The following L3MBTL3 variants were observed in gnomAD, a reference collection of about 807,000 sequenced individuals.
The protein encoded by L3MBTL3 is lethal(3)malignant brain tumor-like protein 3.
In L3MBTL3, 27 loss-of-function variants were observed where a neutral mutation model predicts 102.3. That is an observed-to-expected ratio of 0.26 (90% CI 0.19 to 0.36). The LOEUF (loss-of-function observed/expected upper bound fraction) is 0.36. Among genes scored for constraint, L3MBTL3 ranks in the 10% least tolerant of loss-of-function variants. The probability of loss-of-function intolerance (pLI) is 1.00; values close to 1 mark genes in which losing one functional copy is unlikely to be tolerated. For synonymous variants in L3MBTL3, 340 were observed against 320.9 expected (o/e 1.06, Z -0.64); for missense variants, 798 against 955.3 (o/e 0.84, Z 2.17).
At position 130,066,388 on chromosome 6, in the gene L3MBTL3, G is replaced by A. The variant is rs1287618171; in HGVS notation, c.900G>A (p.Gly300=). The change falls in exon 11 of 23, where the codon GGG becomes GGA. Residue 300 remains glycine (G), a synonymous_variant. Coordinates refer to ENST00000361794, the MANE Select transcript of L3MBTL3 (RefSeq NM_032438.4). ...CGYRIKLHFD[G]YSDCYDFWVN... is the part of the protein sequence containing the mutation. ...ACCGGATAAAGCTTCACTTTGATGGGTATTCTGATTGCTATGACTTCTGGG... is the reference window on the plus strand; with the variant it reads ...ACCGGATAAAGCTTCACTTTGATGGATATTCTGATTGCTATGACTTCTGGG... 6 of 1,609,896 alleles carry A rather than the reference G, an allele frequency of 3.7e-6. No homozygotes were observed. Among genetic ancestry groups the A allele is most frequent in the East Asian group, 2.2e-5 (1 of 44,552 alleles).
chr6:130,031,050 T>C (rs1003683422), intron 2 of L3MBTL3, among the ~76,000 whole-genome samples: 1 of 152,198 alleles, frequency 6.6e-6, no homozygotes, highest in Non-Finnish European at 1.5e-5. Context: ...CTTCCATTAG[T>C]GGCTGCGTAT....
intron 19 of L3MBTL3, among the ~76,000 whole-genome samples, chr6:130,107,034 T>C (rs72991294): frequency 0.18 from 27,975 of 152,180 alleles, 3,190 homozygotes; most frequent in South Asian, 0.27. Flanking sequence ...GAGAAGATAC[T>C]GGCAGAGTAG....
intron 9 of L3MBTL3, 119 bp from the exon 10 acceptor site, chr6:130,059,917 G>T: frequency 5.2e-6 from 3 of 572,938 alleles, no homozygotes; most frequent in Non-Finnish European, 9.2e-6. Context: ...CTTTTTCTTT[G>T]GATTTTTAGA....
At chr6:130,090,628 C>T (rs1438227335) in intron 16 of L3MBTL3, among the ~76,000 whole-genome samples, 2 of 152,168 alleles carry the variant, frequency 1.3e-5, no homozygotes, top group African/African-American at 4.8e-5. Flanking sequence ...CAAGGTCTCA[C>T]TCTGTCGCCT....
intron 4 of L3MBTL3, 40 bp from the exon 5 acceptor site, chr6:130,049,716 A>G: frequency 1.2e-6 from 2 of 1,613,084 alleles, no homozygotes; most frequent in Non-Finnish European, 8.5e-7. Flanking sequence ...GGTTGTAACT[A>G]ACACCTATAT....
chr6:130,042,767 A>T lies in L3MBTL3; in HGVS notation c.68A>T (p.Asp23Val). ...FDVFSVMDWK[D>V]GVGTLPGSDL... ...GTGTTCAGTGTTATGGACTGGAAAG[A>T]TGGAGTGGGCACGTTACCAGGAAGT... The change falls in exon 3 of 23, where the codon GAT becomes GTT. Residue 23 changes from aspartate (D) to valine (V), a missense_variant. Asp to Val is a radical substitution (Grantham distance 152). Around this residue, in one of 4 missense-constraint regions of L3MBTL3, gnomAD observed 434 missense variants for 506.6 expected, o/e 0.86. Coordinates refer to ENST00000361794, the MANE Select transcript of L3MBTL3 (RefSeq NM_032438.4). 6.2e-7 allele frequency: 1 copy of T among 1,613,548 alleles called. No individual in the cohort carries two copies. Among genetic ancestry groups the T allele is most frequent in the Non-Finnish European group, 8.5e-7 (1 of 1,179,546 alleles).
chr6:130,105,325 C>A (rs1784920338), intron 19 of L3MBTL3, among the ~76,000 whole-genome samples: 1 of 152,082 alleles, frequency 6.6e-6, no homozygotes, highest in African/African-American at 2.4e-5. Context: ...AATGCATTGT[C>A]ATAGGAGTAA....
chr6:130,042,907 T>C (rs779788796), intron 3 of L3MBTL3, 106 bp downstream of exon 3: 113 of 733,052 alleles, frequency 1.5e-4, no homozygotes, highest in Non-Finnish European at 2.4e-4. Flanking sequence ...TTAATCATAG[T>C]GGTGTAGGTT....
intron 13 of L3MBTL3, 47 bp from the exon 14 acceptor site, chr6:130,078,511 T>G (rs375776122): frequency 5.6e-5 from 72 of 1,278,200 alleles, no homozygotes; most frequent in African/African-American, 5.5e-4. Flanking sequence ...CTAGTTTTTG[T>G]GAGTTTATCC....
chr6:130,023,416 A>G (rs952828390), intron 2 of L3MBTL3, among the ~76,000 whole-genome samples: 6 of 152,340 alleles, frequency 3.9e-5, no homozygotes, highest in African/African-American at 1.4e-4. Context: ...ACTAGGGTTC[A>G]AGAAGAGTAA....
intron 18 of L3MBTL3, among the ~76,000 whole-genome samples, chr6:130,095,786 G>A (rs1784327247): frequency 6.6e-6 from 1 of 152,192 alleles, no homozygotes; most frequent in Admixed American, 6.5e-5. Context: ...ATGTGTGAGA[G>A]AGCTAGAGAG....
intron 18 of L3MBTL3, among the ~76,000 whole-genome samples, chr6:130,103,820 G>C (rs529894385): frequency 8.5e-5 from 13 of 152,330 alleles, no homozygotes; most frequent in Non-Finnish European, 1.5e-4. Context: ...AATGAGCTCT[G>C]TGCATCATTA....
At chr6:130,104,180 A>G (rs959402796) in intron 18 of L3MBTL3, among the ~76,000 whole-genome samples, 2 of 151,848 alleles carry the variant, frequency 1.3e-5, no homozygotes, top group Non-Finnish European at 2.9e-5. Context: ...ACTCTTGCTC[A>G]GTTCTGAAGA....
At chr6:130,043,683 T>C (rs1430229593) in intron 3 of L3MBTL3, among the ~76,000 whole-genome samples, 1 of 152,214 alleles carries the variant, frequency 6.6e-6, no homozygotes, top group Non-Finnish European at 1.5e-5. Context: ...CTAGGCTGTC[T>C]TGAATAGAAA....
chr6:130,108,252 T>TTTTG (rs1562318439), intron 19 of L3MBTL3, among the ~76,000 whole-genome samples: 1 of 146,828 alleles, frequency 6.8e-6, no homozygotes. Context: ...TTTTTTTTTT[T>TTTTG]TAGATGGAGT....
intron 2 of L3MBTL3, among the ~76,000 whole-genome samples, chr6:130,025,868 T>C (rs1283717594): frequency 6.6e-6 from 1 of 152,164 alleles, no homozygotes; most frequent in African/African-American, 2.4e-5. Context: ...ACAGCAGGGT[T>C]GAATGAATGT....
intron 2 of L3MBTL3, among the ~76,000 whole-genome samples, chr6:130,029,049 T>G (rs990789590): frequency 6.6e-6 from 1 of 152,228 alleles, no homozygotes; most frequent in Non-Finnish European, 1.5e-5. Flanking sequence ...TTTGGTAAGT[T>G]TTATCAATAC....
chr6:130,078,214 AGT>A (rs1783082319), intron 13 of L3MBTL3, among the ~76,000 whole-genome samples: 1 of 152,178 alleles, frequency 6.6e-6, no homozygotes, highest in South Asian at 2.1e-4. Context: ...ATGTACACAC[AGT>A]CTAAGTTTAT....
chr6:130,053,647 CA>C (rs1171788298), intron 7 of L3MBTL3, among the ~76,000 whole-genome samples: 1 of 144,188 alleles, frequency 6.9e-6, no homozygotes, highest in African/African-American at 2.5e-5. Flanking sequence ...AAAAAAAAAA[CA>C]AAAAAAACTA....
Sources: allele counts gnomAD v4.1 joint callset (sites outside exome capture counted in the v4.1 genomes callset), GRCh38; gene constraint gnomAD v4.1.1; regional missense constraint gnomAD v4.1.1; transcripts MANE v1.5; gene names NCBI Gene and HGNC (gene_info 2026-07-23, HGNC 2026-07-21).